Variants in CRTC1 observed in about 807,000 individuals in gnomAD.
CRTC1 encodes the protein CREB-regulated transcription coactivator 1.
A neutral mutation model predicts 66.1 loss-of-function variants in CRTC1; 18 were observed. That is an observed-to-expected ratio of 0.27 (90% CI 0.19 to 0.40). CRTC1 has a LOEUF of 0.40. CRTC1 is among the 10% of genes least tolerant of loss of function. The pLI, the probability that CRTC1 is intolerant of heterozygous loss-of-function variation, is 1.00. For synonymous variants in CRTC1, 416 were observed against 398.8 expected (o/e 1.04, Z -0.51); for missense variants, 669 against 887.9 (o/e 0.75, Z 3.13).
At chr19:18,750,954 G>A (rs1192694245) in intron 5 of CRTC1, among the ~76,000 whole-genome samples, 1 of 152,146 alleles carries the variant, frequency 6.6e-6, no homozygotes, top group African/African-American at 2.4e-5. Context: ...CCGAGGGGTG[G>A]GCAACAGGAT....
rs1002747243 is a variant in CRTC1 at position 18,760,820 on chromosome 19, T to G, written c.886+592T>G. Among the ~76,000 whole-genome samples the G allele has an allele frequency of 1.7e-4, 26 of 151,040 alleles. No homozygotes were observed. The highest frequency in any genetic ancestry group is 6.3e-4 in the African/African-American group (26 of 40,984). ...ACTGATTGCAGAGGTGTCCCCCAAC[T>G]CCTCTGTCCTTTCCCAGACATGGAC... On this transcript the variant is annotated intron_variant, in intron 8 of 13. Coordinates refer to ENST00000321949, the MANE Select transcript of CRTC1 (RefSeq NM_015321.3). The surrounding 1 kb of genome is among the most constrained non-coding windows in gnomAD (Gnocchi z 6.2).
At chr19:18,735,161 A>G (rs2053970639) in intron 1 of CRTC1, among the ~76,000 whole-genome samples, 1 of 152,186 alleles carries the variant, frequency 6.6e-6, no homozygotes. Flanking sequence ...TCCACAAGTC[A>G]GGGGCAGAAG....
Position 18,777,766 on chromosome 19 carries a change from G to A in CRTC1, c.*384G>A, listed in dbSNP as rs376807281. 1.2e-4 allele frequency: 38 copies of A among 326,490 alleles called. No homozygotes were observed. The East Asian group carries it at 2.1e-3, about 18-fold the overall frequency. The allele number at this position is 326,490 out of a possible 1,614,324, so 20.2% of individuals were successfully genotyped here. ...GGAGGGGCGCGCATGGTCCGCCAGG[G>A]CTGTGGGCCGTGGCGCATTTTCCGA... On this transcript the variant is annotated 3_prime_UTR_variant, in exon 14 of 14. Coordinates refer to ENST00000321949, the MANE Select transcript of CRTC1 (RefSeq NM_015321.3). The surrounding 1 kb of genome is among the most constrained non-coding windows in gnomAD (Gnocchi z 5.5).
In CRTC1 at chr19:18,759,610, C is replaced by G. The variant is rs751893665; in HGVS notation, c.665+19C>G. 6.2e-6 allele frequency: 10 copies of G among 1,611,188 alleles called. No homozygotes were observed. The highest frequency in any genetic ancestry group is 8.5e-6 in the Non-Finnish European group (10 of 1,178,960). On this transcript the variant is annotated intron_variant, in intron 7 of 13. Transcript: ENST00000321949. ...GAATCAAGTAAGTCTCCACAGGGCCCACCCCGCACACTGCATCTGCTGCGC... is the reference window on the plus strand; with the variant it reads ...GAATCAAGTAAGTCTCCACAGGGCCGACCCCGCACACTGCATCTGCTGCGC...
intron 1 of CRTC1, among the ~76,000 whole-genome samples, chr19:18,740,512 C>T (rs2054088518): frequency 6.6e-6 from 1 of 152,180 alleles, no homozygotes; most frequent in Non-Finnish European, 1.5e-5. Flanking sequence ...AACTCCCACC[C>T]TAAAACCACA....
Position 18,771,557 on chromosome 19 carries a change from C to A in CRTC1, c.1425+11C>A. On this transcript the variant is annotated intron_variant, in intron 11 of 13. Transcript: ENST00000321949. This position sits in a 1 kb window ranked among gnomAD's most constrained non-coding sequence, Gnocchi z 4.6. ...GGGAGCTCCCCGCAAGTAAGGGGCG[C>A]CGCCTCCCCCTTGGCCTGTGGGCTC... The A allele has an allele frequency of 6.2e-7, 1 of 1,600,938 alleles. No homozygotes were observed. The highest frequency in any genetic ancestry group is 8.5e-7 in the Non-Finnish European group (1 of 1,170,800).
At chr19:18,699,437 G>T (rs758686962) in intron 1 of CRTC1, among the ~76,000 whole-genome samples, 1 of 152,166 alleles carries the variant, frequency 6.6e-6, no homozygotes, top group Non-Finnish European at 1.5e-5. Flanking sequence ...ATGGCCCTGG[G>T]GCTGCATGAT....
intron 1 of CRTC1, among the ~76,000 whole-genome samples, chr19:18,737,375 C>G (rs942269845): frequency 6.6e-6 from 1 of 152,100 alleles, no homozygotes; most frequent in East Asian, 1.9e-4. Context: ...TCCCACGTGC[C>G]TCCACTGATG....
intron 5 of CRTC1, among the ~76,000 whole-genome samples, chr19:18,752,147 C>CA (rs35618318): frequency 0.29 from 26,483 of 90,286 alleles, 3,186 homozygotes; most frequent in East Asian, 0.63. Context: ...AAGACTGTCT[C>CA]AAAAAAAAAA....
Position 18,717,699 on chromosome 19 carries a change from G to A in CRTC1, c.127-25211G>A, listed in dbSNP as rs907321144. Among the ~76,000 whole-genome samples the A allele has an allele frequency of 1.3e-4, 20 of 152,260 alleles. No individual in the cohort carries two copies. In the East Asian group the frequency reaches 3.7e-3, roughly 28 times the overall value. ...TGGAGGATGCAGCTCAGAGAGGAGG[G>A]TGCAGGGTTCCGGGGTGGGCCAAAT... is the stretch of plus-strand genomic sequence containing the variant. On this transcript the variant is annotated intron_variant, in intron 1 of 13. Coordinates refer to ENST00000321949, the MANE Select transcript of CRTC1 (RefSeq NM_015321.3).
intron 9 of CRTC1, among the ~76,000 whole-genome samples, chr19:18,765,751 A>G (rs1177103578): frequency 6.6e-6 from 1 of 152,188 alleles, no homozygotes; most frequent in African/African-American, 2.4e-5. Flanking sequence ...AGTTGAGGTC[A>G]GGAGTTCGAG....
At chr19:18,685,517 C>T (rs748624466) in intron 1 of CRTC1, among the ~76,000 whole-genome samples, 10 of 152,032 alleles carry the variant, frequency 6.6e-5, no homozygotes, top group Non-Finnish European at 1.5e-4. Flanking sequence ...ATTAGCCGGA[C>T]GTGGTGGTAG....
chr19:18,711,647 T>C (rs1411603131), intron 1 of CRTC1, among the ~76,000 whole-genome samples: 1 of 152,146 alleles, frequency 6.6e-6, no homozygotes, highest in African/African-American at 2.4e-5. Context: ...CTCTGGGCTG[T>C]AGTGGGTGGG....
At position 18,777,098 on chromosome 19, in the gene CRTC1, C is replaced by CT; in HGVS notation, c.1694-72dup. ...GGACAGAGTCGCCCGGCGGGCATGC[C>CT]TGGTCCGACACATGGATGCGAGCGA... On this transcript the variant is annotated intron_variant, in intron 13 of 13. Coordinates refer to ENST00000321949, the MANE Select transcript of CRTC1 (RefSeq NM_015321.3). The surrounding 1 kb of genome is among the most constrained non-coding windows in gnomAD (Gnocchi z 5.5). The CT allele has an allele frequency of 1.2e-6, 1 of 865,972 alleles. No individual in the cohort carries two copies. Among genetic ancestry groups the CT allele is most frequent in the East Asian group, 2.4e-5 (1 of 41,066 alleles). 53.6% of individuals were successfully genotyped at this position (865,972 alleles called of 1,614,324 possible).
At chr19:18,729,072 CA>C (rs1568504020) in intron 1 of CRTC1, among the ~76,000 whole-genome samples, 1 of 149,586 alleles carries the variant, frequency 6.7e-6, no homozygotes, top group East Asian at 2.0e-4. Flanking sequence ...CTTGGCCTCC[CA>C]AAGTGCTGGG....
Position 18,768,632 on chromosome 19 carries a change from C to A in CRTC1, c.1159C>A (p.Gln387Lys). The stretch of plus-strand genomic sequence containing the variant: ...GCAGCCACCACCCCCGCCACCCCCA[C>A]AGGCGCCCGTCCGCCTGCCCCCTGG... The part of the protein sequence containing the change: ...SQQPPPPPPP[Q>K]APVRLPPGGP... Residue 387 changes from glutamine (Q) to lysine (K), a missense_variant, in exon 10 of 14, where the codon CAG becomes AAG. Coordinates refer to ENST00000321949, the MANE Select transcript of CRTC1 (RefSeq NM_015321.3). The surrounding 1 kb of genome is among the most constrained non-coding windows in gnomAD (Gnocchi z 5.6). 1 of 1,509,842 alleles carries A rather than the reference C, an allele frequency of 6.6e-7. No homozygotes were observed. The highest frequency in any genetic ancestry group is 8.9e-7 in the Non-Finnish European group (1 of 1,118,376). The allele number at this position is 1,509,842 out of a possible 1,614,324, so 93.5% of individuals were successfully genotyped here. A position where few individuals can be genotyped will look rare whatever the true frequency, so the allele number is the denominator to read the frequency against.
At chr19:18,745,106 G>A (rs150605554) in intron 2 of CRTC1, among the ~76,000 whole-genome samples, 33 of 152,306 alleles carry the variant, frequency 2.2e-4, no homozygotes, top group African/African-American at 7.0e-4. Flanking sequence ...GGGGGCATGA[G>A]GCCGGGCATG....
intron 1 of CRTC1, among the ~76,000 whole-genome samples, chr19:18,697,026 G>T (rs971739637): frequency 1.6e-4 from 25 of 152,120 alleles, no homozygotes; most frequent in African/African-American, 6.0e-4. Flanking sequence ...ACCTCCAACA[G>T]GTCCTGCGTG....
chr19:18,693,555 C>T (rs2052905266), intron 1 of CRTC1, among the ~76,000 whole-genome samples: 1 of 148,500 alleles, frequency 6.7e-6, no homozygotes, highest in South Asian at 2.1e-4. Flanking sequence ...GATCTCAGCT[C>T]ACTGCAAGCT....
Sources: gnomAD v4.1 joint callset for allele counts (sites outside exome capture counted in the v4.1 genomes callset) on GRCh38, gnomAD v4.1.1 for gene constraint, Gnocchi (gnomAD v3.1) non-coding constraint, MANE v1.5 for transcripts, NCBI Gene and HGNC (gene_info 2026-07-23, HGNC 2026-07-21) for gene names.